The following PTPRD variants were observed in gnomAD, a reference collection of about 807,000 sequenced individuals.
PTPRD encodes the protein protein tyrosine phosphatase receptor type D, also known as receptor-type tyrosine-protein phosphatase delta.
A neutral mutation model predicts 214.5 loss-of-function variants in PTPRD; 34 were observed. The observed-to-expected ratio is 0.16, with a 90% CI of 0.12 to 0.21. PTPRD has a LOEUF of 0.21. Among genes scored for constraint, PTPRD ranks in the 10% least tolerant of loss-of-function variants. The probability of loss-of-function intolerance (pLI) is 1.00; values close to 1 mark genes in which losing one functional copy is unlikely to be tolerated. For synonymous variants in PTPRD, 1,128 were observed against 845.7 expected, an observed-to-expected ratio of 1.33 and a Z score of -5.79; for missense variants, 2,545 against 2,398.7, an observed-to-expected ratio of 1.06 and a Z score of -1.27.
chr9:10,526,438 C>G (rs909870506), intron 2 of PTPRD, among the ~76,000 whole-genome samples: 5 of 151,908 alleles, frequency 3.3e-5, no homozygotes, highest in African/African-American at 1.2e-4. Flanking sequence ...CCAATTTCAT[C>G]TTATAAGGAA....
intron 9 of PTPRD, among the ~76,000 whole-genome samples, chr9:9,191,558 T>C (rs1018210124): frequency 6.6e-6 from 1 of 152,150 alleles, no homozygotes; most frequent in Admixed American, 6.6e-5. Flanking sequence ...ATACATTTTA[T>C]GAGTATTTCC....
At chr9:10,501,054 C>G (rs2043531514) in intron 2 of PTPRD, among the ~76,000 whole-genome samples, 1 of 151,888 alleles carries the variant, frequency 6.6e-6, no homozygotes, top group South Asian at 2.1e-4. Context: ...GGTATATGCC[C>G]AGCAGTGGGG....
chr9:8,493,915 C>G (rs1249325029), intron 26 of PTPRD, among the ~76,000 whole-genome samples: 1 of 151,896 alleles, frequency 6.6e-6, no homozygotes, highest in East Asian at 1.9e-4. Context: ...TTAGCTTATT[C>G]TAGTATTTTA....
At chr9:9,097,957 G>C (rs2099786035) in intron 10 of PTPRD, among the ~76,000 whole-genome samples, 1 of 152,098 alleles carries the variant, frequency 6.6e-6, no homozygotes, top group South Asian at 2.1e-4. Flanking sequence ...CATCATAAAA[G>C]ATCCAGAGAG....
intron 7 of PTPRD, among the ~76,000 whole-genome samples, chr9:9,666,721 T>C (rs1314875420): frequency 6.6e-6 from 1 of 152,044 alleles, no homozygotes; most frequent in Non-Finnish European, 1.5e-5. Context: ...TATTGTTGCA[T>C]CTAGTTTCTC....
chr9:8,683,065 A>G (rs543659174), intron 12 of PTPRD, among the ~76,000 whole-genome samples: 3 of 152,218 alleles, frequency 2.0e-5, no homozygotes, highest in Non-Finnish European at 2.9e-5. Flanking sequence ...ATAGGTCCAC[A>G]TGATTTTCCA....
intron 11 of PTPRD, among the ~76,000 whole-genome samples, chr9:8,791,505 T>G (rs2096234680): frequency 6.9e-6 from 1 of 144,884 alleles, no homozygotes. Flanking sequence ...ATTACAGGCA[T>G]GAGCCACCAT....
At chr9:8,522,470 C>T (rs904798349) in intron 19 of PTPRD, among the ~76,000 whole-genome samples, 4 of 152,034 alleles carry the variant, frequency 2.6e-5, no homozygotes, top group Non-Finnish European at 5.9e-5. Flanking sequence ...TACAGGATTC[C>T]ATTCAATTCA....
intron 3 of PTPRD, among the ~76,000 whole-genome samples, chr9:10,212,863 C>T (rs574575796): frequency 6.6e-6 from 1 of 152,248 alleles, no homozygotes; most frequent in Admixed American, 6.5e-5. Context: ...TGAGTGATTG[C>T]ACGTCTGAGA....
chr9:10,099,026 T>C (rs1003426052), intron 3 of PTPRD, among the ~76,000 whole-genome samples: 3 of 151,812 alleles, frequency 2.0e-5, no homozygotes, highest in African/African-American at 7.2e-5. Context: ...TTTTGGAACA[T>C]TCTAAGCTGC....
intron 8 of PTPRD, among the ~76,000 whole-genome samples, chr9:9,549,199 C>T (rs1429843487): frequency 6.6e-6 from 1 of 151,924 alleles, no homozygotes; most frequent in African/African-American, 2.4e-5. Flanking sequence ...TATCAAAAGA[C>T]ATTGTAAAAA....
intron 8 of PTPRD, among the ~76,000 whole-genome samples, chr9:9,416,457 A>G (rs1010642131): frequency 6.6e-6 from 1 of 152,166 alleles, no homozygotes; most frequent in African/African-American, 2.4e-5. Context: ...AATAATGTAT[A>G]TAAATTGATA....
intron 2 of PTPRD, among the ~76,000 whole-genome samples, chr9:10,341,779 G>C (rs979364151): frequency 6.6e-6 from 1 of 151,834 alleles, no homozygotes; most frequent in Admixed American, 6.6e-5. Flanking sequence ...TATTATTAAA[G>C]GATATTTGAT....
At chr9:10,170,752 A>G (rs887009487) in intron 3 of PTPRD, among the ~76,000 whole-genome samples, 3 of 152,230 alleles carry the variant, frequency 2.0e-5, no homozygotes, top group Admixed American at 1.3e-4. Context: ...TATTCCAAAT[A>G]CAAATATTAT....
In PTPRD at chr9:9,938,544, T is replaced by C. The variant is rs1025557827; in HGVS notation, c.-405A>G. On this transcript the variant is annotated 5_prime_UTR_variant, in exon 5 of 46. It removes an upstream start codon present in the reference 5' UTR. Coordinates refer to ENST00000381196, the MANE Select transcript of PTPRD (RefSeq NM_002839.4). ...CCCATCGCTTCCCTCGGTGCCAACA[T>C]GCTGTCAGTCAGACACCTCTAACTG... The C allele has an allele frequency of 1.3e-5, 2 of 152,130 alleles. No homozygotes were observed. The highest frequency in any genetic ancestry group is 2.9e-5 in the Non-Finnish European group (2 of 68,020). The allele number at this position is 152,130 out of a possible 1,614,324, so 9.4% of individuals were successfully genotyped here. A position where few individuals can be genotyped will look rare whatever the true frequency, so the allele number is the denominator to read the frequency against.
intron 10 of PTPRD, among the ~76,000 whole-genome samples, chr9:9,177,660 A>T (rs893398631): frequency 2.0e-5 from 3 of 152,122 alleles, no homozygotes; most frequent in East Asian, 1.9e-4. Flanking sequence ...AGCAAAAAAA[A>T]TTCCGGTAAG....
chr9:8,564,585 C>T (rs1366240122), intron 14 of PTPRD, among the ~76,000 whole-genome samples: 2 of 151,970 alleles, frequency 1.3e-5, no homozygotes, highest in Non-Finnish European at 2.9e-5. Flanking sequence ...GCCTGTAATC[C>T]CGCTACTCAG....
At chr9:9,514,880 T>C (rs945241250) in intron 8 of PTPRD, among the ~76,000 whole-genome samples, 1 of 152,112 alleles carries the variant, frequency 6.6e-6, no homozygotes, top group Non-Finnish European at 1.5e-5. Context: ...TTTGGTGGTC[T>C]CTCATTAAAT....
chr9:10,089,803 C>T (rs1349509313), intron 3 of PTPRD, among the ~76,000 whole-genome samples: 1 of 151,612 alleles, frequency 6.6e-6, no homozygotes, highest in Non-Finnish European at 1.5e-5. Context: ...AGGTGACGGG[C>T]ATCGGGGCAA....
Sources: allele counts gnomAD v4.1 joint callset (sites outside exome capture counted in the v4.1 genomes callset), GRCh38; gene constraint gnomAD v4.1.1; transcripts MANE v1.5; gene names NCBI Gene and HGNC (gene_info 2026-07-23, HGNC 2026-07-21).